Variants in HMBOX1 observed in about 807,000 individuals in gnomAD.
HMBOX1 encodes homeobox containing 1, also known as homeobox-containing protein 1.
HMBOX1 carries 14 observed loss-of-function variants against 54.5 expected under a neutral mutation model. The observed-to-expected ratio is 0.26, with a 90% CI of 0.17 to 0.40. The LOEUF (loss-of-function observed/expected upper bound fraction) is 0.40, where lower values mean the gene tolerates loss of function less well. HMBOX1 is among the 10% of genes least tolerant of loss of function. The probability of loss-of-function intolerance (pLI) is 1.00; values close to 1 mark genes in which losing one functional copy is unlikely to be tolerated. For missense variants in HMBOX1, 332 were observed against 514.4 expected (o/e 0.65, Z 3.43); for synonymous variants, 160 against 181.0 (o/e 0.88, Z 0.93).
intron 7 of HMBOX1, among the ~76,000 whole-genome samples, chr8:29,045,991 C>G (rs1805511606): frequency 6.6e-6 from 1 of 152,200 alleles, no homozygotes; most frequent in South Asian, 2.1e-4. Flanking sequence ...AACAAACCCA[C>G]TTAAATATTT....
intron 1 of HMBOX1, among the ~76,000 whole-genome samples, chr8:28,953,404 C>A (rs1823861736): frequency 6.6e-6 from 1 of 152,142 alleles, no homozygotes; most frequent in Admixed American, 6.5e-5. Flanking sequence ...AAAAGGTAAA[C>A]TTGTCTTTTA....
intron 3 of HMBOX1, among the ~76,000 whole-genome samples, chr8:28,973,391 G>A (rs1279964062): frequency 6.6e-6 from 1 of 152,102 alleles, no homozygotes; most frequent in African/African-American, 2.4e-5. Flanking sequence ...TTTAGGAAAG[G>A]TGGTTAATTA....
chr8:28,948,228 C>T (rs1399519925), intron 1 of HMBOX1, among the ~76,000 whole-genome samples: 1 of 152,190 alleles, frequency 6.6e-6, no homozygotes, highest in Non-Finnish European at 1.5e-5. Flanking sequence ...TTGTACTTAT[C>T]ATGACCTGAA....
At chr8:28,958,610 A>G (rs80060026) in intron 1 of HMBOX1, among the ~76,000 whole-genome samples, 1 of 152,214 alleles carries the variant, frequency 6.6e-6, no homozygotes. Flanking sequence ...AACCACTGTT[A>G]TTGGATCTCT....
chr8:28,989,145 G>T (rs541745318), intron 4 of HMBOX1, among the ~76,000 whole-genome samples: 64 of 152,176 alleles, frequency 4.2e-4, no homozygotes, highest in African/African-American at 1.5e-3. Flanking sequence ...GGTGGTGCTT[G>T]CCTGTAATCC....
chr8:29,011,244 T>A (rs1244726750), intron 5 of HMBOX1, among the ~76,000 whole-genome samples: 2 of 152,212 alleles, frequency 1.3e-5, no homozygotes, highest in African/African-American at 4.8e-5. Context: ...GAAAAATACT[T>A]TGTAGGTAGT....
chr8:29,007,181 C>T (rs545339559), intron 4 of HMBOX1, among the ~76,000 whole-genome samples: 32 of 151,306 alleles, frequency 2.1e-4, no homozygotes, highest in African/African-American at 7.3e-4. Context: ...CCCAGCTACT[C>T]GGGAGGCTGA....
intron 4 of HMBOX1, among the ~76,000 whole-genome samples, chr8:28,996,472 A>G (rs1831855989): frequency 6.6e-6 from 1 of 152,088 alleles, no homozygotes; most frequent in African/African-American, 2.4e-5. Context: ...TACAAAAATT[A>G]CCTGGGTGTG....
In HMBOX1 at chr8:28,941,976, T is replaced by C. The variant is rs183066246; in HGVS notation, c.-57-21835T>C. ...TGTGTTCAAGAACAGAAACGAATAC[T>C]CTTTCCTTACAGCCTCCTTGGGAAG... is the stretch of plus-strand genomic sequence containing the variant. On this transcript the variant is annotated intron_variant, in intron 1 of 9. Transcript: ENST00000287701. 4.3e-4 allele frequency among the ~76,000 whole-genome samples: 66 copies of C among 152,324 alleles called. 1 individual carries two copies. The Middle Eastern group carries it at 0.014, about 31-fold the overall frequency.
chr8:29,049,405 C>G (rs1806102570), intron 9 of HMBOX1: 1 of 1,531,990 alleles, frequency 6.5e-7, no homozygotes, highest in Non-Finnish European at 8.7e-7. Context: ...GCAAGTTACA[C>G]CATTCACGAC....
At chr8:28,900,254 C>CAAAAA (rs1215445461) in intron 1 of HMBOX1, among the ~76,000 whole-genome samples, 19 of 94,884 alleles carry the variant, frequency 2.0e-4, no homozygotes, top group South Asian at 1.2e-3. Flanking sequence ...GATTCCGTCT[C>CAAAAA]AAAAAAAAAA....
At chr8:28,920,548 T>C (rs1276195609) in intron 1 of HMBOX1, among the ~76,000 whole-genome samples, 1 of 152,246 alleles carries the variant, frequency 6.6e-6, no homozygotes, top group Non-Finnish European at 1.5e-5. Context: ...TATTCATTTA[T>C]GCATAGTGCC....
At chr8:28,919,971 TTGTGTGTG>T (rs5890431) in intron 1 of HMBOX1, among the ~76,000 whole-genome samples, 2,564 of 148,972 alleles carry the variant, frequency 0.017, 64 homozygotes, top group African/African-American at 0.06. Context: ...AAGTGAAGTT[TTGTGTGTG>T]TGTGTGTGTG....
chr8:29,031,751 C>T (rs1248879693), intron 6 of HMBOX1, among the ~76,000 whole-genome samples: 5 of 152,120 alleles, frequency 3.3e-5, no homozygotes, highest in East Asian at 3.9e-4. Context: ...CACTGTGCCC[C>T]GTGCTGAGGA....
chr8:28,908,804 A>G (rs1218994624), intron 1 of HMBOX1, among the ~76,000 whole-genome samples: 1 of 151,770 alleles, frequency 6.6e-6, no homozygotes, highest in Non-Finnish European at 1.5e-5. Flanking sequence ...CTTAAAATTT[A>G]GTGTTGTGTC....
At chr8:29,026,858 A>G (rs1802130787) in intron 6 of HMBOX1, among the ~76,000 whole-genome samples, 1 of 152,216 alleles carries the variant, frequency 6.6e-6, no homozygotes, top group Non-Finnish European at 1.5e-5. Context: ...AGATTAATAT[A>G]TGTTACAACC....
intron 6 of HMBOX1, among the ~76,000 whole-genome samples, chr8:29,034,332 C>T (rs1803489284): frequency 6.6e-6 from 1 of 152,160 alleles, no homozygotes. Context: ...ACACGTCGTC[C>T]ATGAAATTAA....
At chr8:28,914,837 A>G (rs1816212564) in intron 1 of HMBOX1, among the ~76,000 whole-genome samples, 1 of 152,264 alleles carries the variant, frequency 6.6e-6, no homozygotes, top group Admixed American at 6.5e-5. Context: ...GAAATGCTTT[A>G]TAAAAACCAG....
At chr8:29,040,653 T>A (rs983143524) in intron 6 of HMBOX1, among the ~76,000 whole-genome samples, 4 of 152,164 alleles carry the variant, frequency 2.6e-5, no homozygotes, top group Admixed American at 6.5e-5. Flanking sequence ...CTACATTTTT[T>A]AATTACAAAA....
Sources: allele counts gnomAD v4.1 joint callset (sites outside exome capture counted in the v4.1 genomes callset), GRCh38; gene constraint gnomAD v4.1.1; transcripts MANE v1.5; gene names NCBI Gene and HGNC (gene_info 2026-07-23, HGNC 2026-07-21).